The following HEXB variants were observed in gnomAD, a reference collection of about 807,000 sequenced individuals.
HEXB encodes beta-hexosaminidase subunit beta.
A neutral mutation model predicts 71.2 loss-of-function variants in HEXB; 51 were observed. The observed-to-expected ratio is 0.72, with a 90% CI of 0.57 to 0.90. The LOEUF (loss-of-function observed/expected upper bound fraction) is 0.90, where lower values mean the gene tolerates loss of function less well. HEXB is among the 40% of genes least tolerant of loss of function. The pLI is 0.00. For synonymous variants in HEXB, 266 were observed against 249.3 expected (o/e 1.07, Z -0.63); for missense variants, 617 against 677.0 (o/e 0.91, Z 0.98).
At chr5:74,715,884 G>T (rs1256373353) in intron 8 of HEXB, among the ~76,000 whole-genome samples, 194 bp downstream of exon 8, 1 of 151,912 alleles carries the variant, frequency 6.6e-6, no homozygotes, top group Non-Finnish European at 1.5e-5. Context: ...GGGCGTGGTG[G>T]TGGGTACCTG....
chr5:74,700,229 A>G (rs544291538), intron 5 of HEXB, among the ~76,000 whole-genome samples: 2 of 151,460 alleles, frequency 1.3e-5, no homozygotes, highest in South Asian at 4.2e-4. Flanking sequence ...GCTGGTCTCA[A>G]ACTCCTGAGC....
chr5:74,657,395 T>C (rs1362788157), intron 1 of HEXB, among the ~76,000 whole-genome samples: 2 of 152,182 alleles, frequency 1.3e-5, no homozygotes, highest in Non-Finnish European at 2.9e-5. Context: ...CATTCAACTC[T>C]CTGCTCAGAT....
chr5:74,676,183 T>C (rs1190668108), intron 1 of HEXB, among the ~76,000 whole-genome samples: 1 of 152,208 alleles, frequency 6.6e-6, no homozygotes, highest in Admixed American at 6.5e-5. Context: ...GGAAAAATTA[T>C]TTTTGTTATT....
At chr5:74,640,050 C>G (rs961506009) in exon 1 of HEXB, 1 of 152,278 alleles carries the variant, frequency 6.6e-6, no homozygotes, top group Non-Finnish European at 1.5e-5. Context: ...CCTCGCTTCC[C>G]CAGCGGCTCG....
At position 74,721,119 on chromosome 5, in the gene HEXB, C is replaced by T. The variant is rs749646826; in HGVS notation, c.1615C>T (p.Arg539Cys). 1.4e-5 allele frequency: 22 copies of T among 1,608,168 alleles called. No individual in the cohort carries two copies. The highest frequency in any genetic ancestry group is 5.5e-5 in the South Asian group (5 of 90,962). ...TATCTTTATTCATGTTATCTACAGACGTGGAATAGCTGCACAACCTCTTTA... is the reference window on the plus strand; with the variant it reads ...TATCTTTATTCATGTTATCTACAGATGTGGAATAGCTGCACAACCTCTTTA... ...LTRHRCRMVE[R>C]GIAAQPLYAG... The change falls in exon 14 of 14, where the codon CGT becomes TGT. Residue 539 changes from arginine (R) to cysteine (C), a missense_variant and splice_region_variant. Transcript: ENST00000261416.
chr5:74,653,866 T>C (rs931790600), intron 1 of HEXB, among the ~76,000 whole-genome samples: 1 of 152,054 alleles, frequency 6.6e-6, no homozygotes, highest in Non-Finnish European at 1.5e-5. Context: ...TAGAGGTCGA[T>C]AGGTCACATC....
intron 1 of HEXB, among the ~76,000 whole-genome samples, chr5:74,664,038 C>T (rs1748382087): frequency 6.6e-6 from 1 of 152,052 alleles, no homozygotes; most frequent in Non-Finnish European, 1.5e-5. Context: ...GGTGGATCAC[C>T]TGAGGTCAGG....
At chr5:74,645,722 G>A (rs1747990236) in intron 1 of HEXB, among the ~76,000 whole-genome samples, 1 of 152,148 alleles carries the variant, frequency 6.6e-6, no homozygotes, top group South Asian at 2.1e-4. Flanking sequence ...GATCTAGACT[G>A]CTTATGTTGT....
chr5:74,715,705 T>C lies in HEXB; in HGVS notation c.1082+15T>C. ...TTTAAATGTTGGTAAGATGATTCCT[T>C]AAAACCCCTTTAAAAAAAAAAAAAA... On this transcript the variant is annotated intron_variant, in intron 8 of 13. Transcript: ENST00000261416. 1 of 1,538,430 alleles carries C rather than the reference T, an allele frequency of 6.5e-7. No homozygotes were observed.
At chr5:74,643,889 G>A (rs1057137722) in intron 1 of HEXB, among the ~76,000 whole-genome samples, 4 of 152,190 alleles carry the variant, frequency 2.6e-5, no homozygotes, top group Admixed American at 1.3e-4. Flanking sequence ...TATTCCAAAA[G>A]CGCCCTCTTT....
intron 2 of HEXB, among the ~76,000 whole-genome samples, chr5:74,691,844 C>A (rs1165379151): frequency 6.6e-6 from 1 of 152,106 alleles, no homozygotes; most frequent in African/African-American, 2.4e-5. Context: ...CAAAAAGATA[C>A]AGAATGGGCT....
At chr5:74,659,281 A>G (rs1748275537) in intron 1 of HEXB, among the ~76,000 whole-genome samples, 2 of 152,212 alleles carry the variant, frequency 1.3e-5, no homozygotes, top group South Asian at 4.1e-4. Context: ...CTAAGAACAG[A>G]ACATGCAGTG....
chr5:74,643,851 A>G (rs2112063243), intron 1 of HEXB, among the ~76,000 whole-genome samples: 1 of 152,240 alleles, frequency 6.6e-6, no homozygotes, highest in South Asian at 2.1e-4. Context: ...CTGAAGCCCC[A>G]CCCAAATTCA....
intron 1 of HEXB, among the ~76,000 whole-genome samples, chr5:74,665,790 G>A (rs1363451570): frequency 6.6e-6 from 1 of 152,112 alleles, no homozygotes; most frequent in Non-Finnish European, 1.5e-5. Context: ...CCCTGTGAGT[G>A]TCCAGTTTAA....
At chr5:74,699,459 G>C (rs892166345) in intron 5 of HEXB, among the ~76,000 whole-genome samples, 1 of 151,814 alleles carries the variant, frequency 6.6e-6, no homozygotes, top group Admixed American at 6.6e-5. Context: ...ATTTTTAGTA[G>C]AGATGGGGTT....
chr5:74,646,728 C>T (rs1000938602), intron 1 of HEXB, among the ~76,000 whole-genome samples: 2 of 152,048 alleles, frequency 1.3e-5, no homozygotes, highest in African/African-American at 4.8e-5. Context: ...CCACCGCGCC[C>T]AGCTAATTTT....
At chr5:74,700,685 G>A (rs1749240835) in intron 5 of HEXB, among the ~76,000 whole-genome samples, 1 of 151,906 alleles carries the variant, frequency 6.6e-6, no homozygotes, top group Non-Finnish European at 1.5e-5. Flanking sequence ...TGTTTATAAT[G>A]CCTGTAGACA....
At chr5:74,708,438 C>T (rs1411725712) in intron 6 of HEXB, among the ~76,000 whole-genome samples, 2 of 145,844 alleles carry the variant, frequency 1.4e-5, no homozygotes, top group African/African-American at 5.1e-5. Context: ...TCACACATAA[C>T]AATATTAACT....
chr5:74,664,253 T>A (rs1458544669), intron 1 of HEXB, among the ~76,000 whole-genome samples: 2 of 96,244 alleles, frequency 2.1e-5, no homozygotes, highest in African/African-American at 1.2e-4. Flanking sequence ...TGAAACTCCA[T>A]CTCAAAAAAA....
Sources: allele counts gnomAD v4.1 joint callset (sites outside exome capture counted in the v4.1 genomes callset), GRCh38; gene constraint gnomAD v4.1.1; transcripts MANE v1.5; gene names NCBI Gene and HGNC (gene_info 2026-07-23, HGNC 2026-07-21).